GCN1: variants seen among roughly 807,000 people sequenced by gnomAD.
The protein encoded by GCN1 is stalled ribosome sensor GCN1.
A neutral mutation model predicts 288.4 loss-of-function variants in GCN1; 90 were observed. The observed-to-expected ratio is 0.31, with a 90% CI of 0.26 to 0.37. The LOEUF is 0.37. Ranked by LOEUF, GCN1 falls within the 10% of genes least tolerant of loss-of-function variation. The pLI, the probability that GCN1 is intolerant of heterozygous loss-of-function variation, is 1.00. For synonymous variants in GCN1, 1,386 were observed against 1,420.2 expected, an observed-to-expected ratio of 0.98 and a Z score of 0.54; for missense variants, 2,586 against 3,419.9, an observed-to-expected ratio of 0.76 and a Z score of 6.08.
At position 120,131,888 on chromosome 12, in the gene GCN1, GCCCA is replaced by G. The variant is rs749191542; in HGVS notation, c.7414+34_7414+37del. ...GTCGACTCTTCGCTAGGGCTGAGAG[GCCCA>G]GGTCCCTGAAGGGGAACTCTCCAGT... On this transcript the variant is annotated intron_variant, in intron 54 of 57. Coordinates refer to ENST00000300648, the MANE Select transcript of GCN1 (RefSeq NM_006836.2). 6 of 1,326,482 alleles carry G rather than the reference GCCCA, an allele frequency of 4.5e-6. No individual in the cohort carries two copies. The East Asian group carries it at 9.6e-5, about 21-fold the overall frequency. 82.2% of individuals were successfully genotyped at this position (1,326,482 alleles called of 1,614,324 possible). A position where few individuals can be genotyped will look rare whatever the true frequency, so the allele number is the denominator to read the frequency against.
chr12:120,133,148 C>A (rs569578273), intron 53 of GCN1, among the ~76,000 whole-genome samples: 1 of 152,228 alleles, frequency 6.6e-6, no homozygotes, highest in East Asian at 1.9e-4. Flanking sequence ...GCCTTTGGAG[C>A]CATGGGAAGT....
At chr12:120,171,071 G>A (rs997645876) in intron 14 of GCN1, among the ~76,000 whole-genome samples, 2 of 150,902 alleles carry the variant, frequency 1.3e-5, no homozygotes, top group African/African-American at 4.9e-5. Flanking sequence ...AACCCAGGAG[G>A]CGGAGGTTGC....
intron 1 of GCN1, 76 bp downstream of exon 1, chr12:120,194,604 C>T: frequency 7.4e-7 from 1 of 1,346,688 alleles, no homozygotes; most frequent in East Asian, 2.7e-5. Context: ...AGCCGAGGAG[C>T]GAGAGGGGCC....
rs1189679238 is a variant in GCN1, at chr12:120,127,438, T to C, written c.*411A>G. The C allele has an allele frequency of 5.7e-6, 1 of 176,186 alleles. No homozygotes were observed. The highest frequency in any genetic ancestry group is 1.2e-5 in the Non-Finnish European group (1 of 81,742). The allele number at this position is 176,186 out of a possible 1,614,324, so 10.9% of individuals were successfully genotyped here. A position where few individuals can be genotyped will look rare whatever the true frequency, so the allele number is the denominator to read the frequency against. ...AAAAGCCAAGCCAGACACACCACACTGGGCAGAGATCCACCGTCTGTGCCC... is the reference window on the plus strand; with the variant it reads ...AAAAGCCAAGCCAGACACACCACACCGGGCAGAGATCCACCGTCTGTGCCC... On this transcript the variant is annotated 3_prime_UTR_variant, in exon 58 of 58. Coordinates refer to ENST00000300648, the MANE Select transcript of GCN1 (RefSeq NM_006836.2).
chr12:120,144,413 G>A lies in GCN1; in HGVS notation c.5388C>T (p.Thr1796=), dbSNP rs758203298. 31 of 1,614,050 alleles carry A rather than the reference G, an allele frequency of 1.9e-5. No homozygotes were observed. The highest frequency in any genetic ancestry group is 1.3e-4 in the South Asian group (12 of 91,090). The part of the protein sequence containing the change: ...LADENEFVRD[T]ALRAGQRVIS... ...TAACCCGCTGGCCCGCGCGCAGGGC[G>A]GTGTCACGCACAAACTCATTCTCAT... Residue 1796 remains threonine (T), a synonymous_variant, in exon 42 of 58, where the codon ACC becomes ACT. Coordinates refer to ENST00000300648, the MANE Select transcript of GCN1 (RefSeq NM_006836.2). The surrounding 1 kb of genome is among the most constrained non-coding windows in gnomAD (Gnocchi z 4.7).
At chr12:120,128,399 G>A (rs572168136) in intron 57 of GCN1, among the ~76,000 whole-genome samples, 28 of 151,656 alleles carry the variant, frequency 1.8e-4, no homozygotes, top group African/African-American at 6.5e-4. Flanking sequence ...GCAATGGCAC[G>A]ATCTCAGCTC....
At chr12:120,167,367 A>AAAAAAAAAAAAAAAAAAAC (rs1878166703) in intron 16 of GCN1, among the ~76,000 whole-genome samples, 1 of 151,842 alleles carries the variant, frequency 6.6e-6, no homozygotes, top group Non-Finnish European at 1.5e-5. Context: ...AAAAAAAAAA[A>AAAAAAAAAAAAAAAAAAAC]AAAAAGAATG....
At chr12:120,171,268 C>G (rs1878306589) in intron 14 of GCN1, among the ~76,000 whole-genome samples, 1 of 152,064 alleles carries the variant, frequency 6.6e-6, no homozygotes, top group East Asian at 1.9e-4. Context: ...GAGTTCAAGA[C>G]CAGCCTGGCC....
intron 26 of GCN1, 28 bp from the exon 27 acceptor site, chr12:120,157,020 A>C: frequency 6.5e-7 from 1 of 1,543,444 alleles, no homozygotes; most frequent in Non-Finnish European, 9.0e-7. Flanking sequence ...GTAAGTCGAG[A>C]TGAGGCTGTG....
rs1284483895 is a variant in GCN1 at position 120,157,099 on chromosome 12, T to C, written c.3088-107A>G. The C allele has an allele frequency of 9.8e-6, 7 of 710,784 alleles. No individual in the cohort carries two copies. The South Asian group carries it at 1.1e-4, about 11-fold the overall frequency. 44.0% of individuals were successfully genotyped at this position (710,784 alleles called of 1,614,324 possible). On this transcript the variant is annotated intron_variant, in intron 26 of 57. Transcript: ENST00000300648. ...ACCCACGGGGGAACATTCTGGATCA[T>C]ACAACCGGCCCCACCACAGAAACCT...
intron 3 of GCN1, 84 bp from the exon 4 acceptor site, chr12:120,184,327 T>C (rs1173852579): frequency 1.7e-6 from 2 of 1,206,438 alleles, no homozygotes; most frequent in Non-Finnish European, 2.3e-6. Flanking sequence ...TACACTGGTC[T>C]TTCTCAGGAG....
chr12:120,149,783 C>T (rs1877481001), intron 35 of GCN1, 63 bp from the exon 36 acceptor site: 1 of 1,520,514 alleles, frequency 6.6e-7, no homozygotes, highest in Non-Finnish European at 9.1e-7. Flanking sequence ...AGGCCTGACA[C>T]CAGTCCTAGC....
At chr12:120,190,236 A>G (rs1594292695) in intron 2 of GCN1, 62 bp downstream of exon 2, 4 of 950,512 alleles carry the variant, frequency 4.2e-6, no homozygotes, top group Non-Finnish European at 3.3e-6. Flanking sequence ...AAAAAAAAAA[A>G]AAAAAAGAAA....
chr12:120,131,833 A>G, intron 54 of GCN1, 93 bp downstream of exon 54: 2 of 798,366 alleles, frequency 2.5e-6, no homozygotes, highest in South Asian at 1.5e-5. Context: ...AGTTGCTAAA[A>G]GATCCTCTGA....
At chr12:120,163,983 A>T (rs1455013010) in intron 18 of GCN1, among the ~76,000 whole-genome samples, 1 of 152,164 alleles carries the variant, frequency 6.6e-6, no homozygotes, top group Non-Finnish European at 1.5e-5. Context: ...TCAAAAAATT[A>T]GCGGCCACTG....
chr12:120,134,745 T>C lies in GCN1; in HGVS notation c.7009-19A>G, dbSNP rs757762821. ...TCCCAACCTGTGGGAGGAACCCACA[T>C]CCATGAAAGACAGTTGTGGTAGACC... On this transcript the variant is annotated intron_variant, in intron 51 of 57. Transcript: ENST00000300648. The surrounding 1 kb of genome is among the most constrained non-coding windows in gnomAD (Gnocchi z 5.0). 6.2e-7 allele frequency: 1 copy of C among 1,605,378 alleles called. No individual in the cohort carries two copies. The highest frequency in any genetic ancestry group is 2.2e-5 in the East Asian group (1 of 44,840).
At position 120,144,767 on chromosome 12, in the gene GCN1, T is replaced by C. The variant is rs1404126006; in HGVS notation, c.5224A>G (p.Thr1742Ala). The C allele has an allele frequency of 6.2e-7, 1 of 1,614,146 alleles. No homozygotes were observed. The highest frequency in any genetic ancestry group is 1.7e-5 in the Admixed American group (1 of 60,032). The change falls in exon 41 of 58, where the codon ACA (threonine) becomes GCA (alanine). Residue 1742 changes from threonine to alanine, a missense_variant. Transcript: ENST00000300648. The surrounding 1 kb of genome is among the most constrained non-coding windows in gnomAD (Gnocchi z 4.7). The stretch of plus-strand genomic sequence containing the variant: ...GGTGCAATGTCCACTTTGCTGGCTG[T>C]AGCCACGATTTCTGGCATCAACTTC... ...LEKLMPEIVA[T>A]ASKVDIAPHV... is the part of the protein sequence containing the mutation.
At chr12:120,176,310 C>A in intron 9 of GCN1, 93 bp from the exon 10 acceptor site, 1 of 796,282 alleles carries the variant, frequency 1.3e-6, no homozygotes, top group Non-Finnish European at 2.2e-6. Context: ...TGCCACTAGG[C>A]CTGCTGTCTG....
intron 1 of GCN1, among the ~76,000 whole-genome samples, chr12:120,191,742 C>T (rs1171241545): frequency 6.6e-6 from 1 of 152,110 alleles, no homozygotes; most frequent in African/African-American, 2.4e-5. Flanking sequence ...GAGTCAAAAC[C>T]AAAGAGTTCT....
Sources: gnomAD v4.1 joint callset for allele counts (sites outside exome capture counted in the v4.1 genomes callset) on GRCh38, gnomAD v4.1.1 for gene constraint, Gnocchi (gnomAD v3.1) non-coding constraint, MANE v1.5 for transcripts, NCBI Gene and HGNC (gene_info 2026-07-23, HGNC 2026-07-21) for gene names.